Variants in TNR observed in about 807,000 individuals in gnomAD.
The protein encoded by TNR is tenascin-R.
In TNR, 45 loss-of-function variants were observed where a neutral mutation model predicts 150.4. The ratio of observed to expected loss-of-function variants is 0.30; its 90% CI spans 0.24 to 0.38. TNR has a LOEUF of 0.38. Ranked by LOEUF, TNR falls within the 10% of genes least tolerant of loss-of-function variation. The pLI, the probability that TNR is intolerant of heterozygous loss-of-function variation, is 1.00. For synonymous variants in TNR, 687 were observed against 678.4 expected (o/e 1.01, Z -0.20); for missense variants, 1,544 against 1,759.1 (o/e 0.88, Z 2.19).
intron 8 of TNR, among the ~76,000 whole-genome samples, chr1:175,382,230 C>T (rs2102027841): frequency 6.6e-6 from 1 of 152,308 alleles, no homozygotes; most frequent in African/African-American, 2.4e-5. Context: ...ATTCTGTAGC[C>T]TCAGTGCCTA....
intron 1 of TNR, among the ~76,000 whole-genome samples, chr1:175,646,320 C>G (rs1664807903): frequency 6.6e-6 from 1 of 152,164 alleles, no homozygotes; most frequent in Non-Finnish European, 1.5e-5. Flanking sequence ...TGGAAGCTAA[C>G]CACATAAATA....
intron 16 of TNR, among the ~76,000 whole-genome samples, chr1:175,356,076 A>T (rs1304621845): frequency 1.3e-5 from 2 of 152,192 alleles, no homozygotes; most frequent in Non-Finnish European, 2.9e-5. Context: ...TTCCGAGTAC[A>T]GACCTCTCTT....
intron 1 of TNR, among the ~76,000 whole-genome samples, chr1:175,622,109 T>C (rs1262372094): frequency 6.6e-6 from 1 of 152,238 alleles, no homozygotes; most frequent in Admixed American, 6.5e-5. Flanking sequence ...AAATGTTAGG[T>C]ATTATTGTTA....
intron 2 of TNR, among the ~76,000 whole-genome samples, chr1:175,491,235 G>A (rs560326154): frequency 6.3e-4 from 96 of 152,226 alleles, no homozygotes; most frequent in African/African-American, 2.3e-3. Context: ...GCTTGGGGGA[G>A]GGAGATCATC....
chr1:175,355,379 TGAGC>T, intron 17 of TNR, 120 bp downstream of exon 17: 1 of 877,102 alleles, frequency 1.1e-6, no homozygotes, highest in Non-Finnish European at 1.6e-6. Flanking sequence ...GGGAAGCTGA[TGAGC>T]AATCCTTGTG....
intron 10 of TNR, among the ~76,000 whole-genome samples, chr1:175,366,858 C>T (rs1018098754): frequency 6.6e-6 from 1 of 152,182 alleles, no homozygotes; most frequent in Non-Finnish European, 1.5e-5. Flanking sequence ...GTATGCAGGG[C>T]GAGGATGCCC....
chr1:175,482,948 T>G (rs1246004610), intron 2 of TNR, among the ~76,000 whole-genome samples: 1 of 152,204 alleles, frequency 6.6e-6, no homozygotes, highest in Admixed American at 6.5e-5. Flanking sequence ...AGTCTGCCAT[T>G]CCATTTTGCA....
intron 2 of TNR, among the ~76,000 whole-genome samples, chr1:175,506,802 C>T (rs1658974428): frequency 6.6e-6 from 1 of 152,178 alleles, no homozygotes; most frequent in East Asian, 1.9e-4. Flanking sequence ...AGCATTGGTC[C>T]CATTTTGAGT....
rs375516166 is a variant in TNR, at chr1:175,692,889, G to A, written c.-165+50337C>T. Among the ~76,000 whole-genome samples the A allele has an allele frequency of 7.2e-5, 11 of 152,278 alleles. No individual in the cohort carries two copies. In the East Asian group the frequency reaches 9.7e-4, roughly 13 times the overall value. Reference sequence around the variant, plus strand: ...GCAGGGAGACAACATCACATGTAGGGAGAACCATATCAGTCCTGCTTCACA... The same window carrying A: ...GCAGGGAGACAACATCACATGTAGGAAGAACCATATCAGTCCTGCTTCACA... On this transcript the variant is annotated intron_variant, in intron 1 of 22. Coordinates refer to ENST00000367674, the MANE Select transcript of TNR (RefSeq NM_003285.3).
chr1:175,326,075 A>C (rs1169242929), intron 21 of TNR, among the ~76,000 whole-genome samples: 1 of 152,138 alleles, frequency 6.6e-6, no homozygotes, highest in Admixed American at 6.6e-5. Context: ...TAAATATTAG[A>C]GGTGTTCACA....
At chr1:175,407,959 A>C (rs747891135) in intron 2 of TNR, among the ~76,000 whole-genome samples, 3 of 152,170 alleles carry the variant, frequency 2.0e-5, no homozygotes, top group African/African-American at 4.8e-5. Context: ...TCTTCCCAGG[A>C]ATATCGCGAT....
At chr1:175,571,130 C>A (rs1661849468) in intron 1 of TNR, among the ~76,000 whole-genome samples, 3 of 152,186 alleles carry the variant, frequency 2.0e-5, no homozygotes, top group African/African-American at 7.2e-5. Flanking sequence ...GAACTAAACA[C>A]CTTTGTCCGC....
intron 2 of TNR, among the ~76,000 whole-genome samples, chr1:175,514,365 C>T (rs892127297): frequency 1.3e-5 from 2 of 152,238 alleles, no homozygotes; most frequent in Non-Finnish European, 2.9e-5. Flanking sequence ...CCCCGAGAGC[C>T]TCCAGAAAGA....
At chr1:175,637,970 T>C (rs144991276) in intron 1 of TNR, among the ~76,000 whole-genome samples, 1 of 152,124 alleles carries the variant, frequency 6.6e-6, no homozygotes, top group Non-Finnish European at 1.5e-5. Flanking sequence ...CCCACCCCCA[T>C]CTCCAGTGAA....
intron 13 of TNR, 119 bp from the exon 14 acceptor site, chr1:175,362,928 G>T: frequency 8.3e-7 from 1 of 1,210,594 alleles, no homozygotes; most frequent in Non-Finnish European, 1.2e-6. Context: ...AGTGGGGAGG[G>T]ATGATACATG....
chr1:175,525,323 C>T (rs1034267640), intron 2 of TNR, among the ~76,000 whole-genome samples: 2 of 152,136 alleles, frequency 1.3e-5, no homozygotes, highest in African/African-American at 4.8e-5. Context: ...CAGTTCTTTA[C>T]AGAAGTGTGA....
chr1:175,354,545 G>A (rs1006413605), intron 17 of TNR, 22 bp from the exon 18 acceptor site: 6 of 1,613,628 alleles, frequency 3.7e-6, no homozygotes, highest in Non-Finnish European at 4.2e-6. Flanking sequence ...GCCAAAGGAA[G>A]GGTGGTGGAA....
At chr1:175,348,922 G>A (rs1650925289) in intron 18 of TNR, among the ~76,000 whole-genome samples, 1 of 152,126 alleles carries the variant, frequency 6.6e-6, no homozygotes, top group South Asian at 2.1e-4. Context: ...GTGGAAAATT[G>A]ACAAACTATA....
At chr1:175,465,887 C>T (rs1011601022) in intron 2 of TNR, among the ~76,000 whole-genome samples, 1 of 152,212 alleles carries the variant, frequency 6.6e-6, no homozygotes, top group Non-Finnish European at 1.5e-5. Flanking sequence ...ATATAACATT[C>T]TTGGGGTCCC....
Sources: gnomAD v4.1 joint callset for allele counts (sites outside exome capture counted in the v4.1 genomes callset) on GRCh38, gnomAD v4.1.1 for gene constraint, MANE v1.5 for transcripts, NCBI Gene and HGNC (gene_info 2026-07-23, HGNC 2026-07-21) for gene names.